Variants in BCAS3 observed in about 807,000 individuals in gnomAD.
BCAS3 encodes the protein BCAS3 microtubule associated cell migration factor, also known as BCAS4/BCAS3 fusion.
BCAS3 carries 53 observed loss-of-function variants against 116.1 expected under a neutral mutation model. The ratio of observed to expected loss-of-function variants is 0.46; its 90% CI spans 0.37 to 0.57. The LOEUF is 0.57. Among genes scored for constraint, BCAS3 ranks in the 20% least tolerant of loss-of-function variants. The pLI is 0.00. For synonymous variants in BCAS3, 391 were observed against 408.2 expected, an observed-to-expected ratio of 0.96 and a Z score of 0.51; for missense variants, 917 against 1,165.4, an observed-to-expected ratio of 0.79 and a Z score of 3.10.
Position 61,392,063 on chromosome 17 carries a change from C to T in BCAS3, c.2680C>T (p.Arg894Ter), listed in dbSNP as rs768694868. The part of the protein sequence containing the change: ...GSIPRNFDGY[R>*]SPLPTNESQP... Reference sequence around the variant, plus strand: ...CATACCAAGAAACTTTGATGGCTACCGATCTCCGCTGCCCACCAATGAGAG... The same window carrying T: ...CATACCAAGAAACTTTGATGGCTACTGATCTCCGCTGCCCACCAATGAGAG... Residue 894 changes from arginine (R) to a stop codon, truncating the protein, a stop_gained, in exon 24 of 24, where the codon CGA becomes TGA. Coordinates refer to ENST00000407086, the MANE Select transcript of BCAS3 (RefSeq NM_017679.5). LOFTEE classifies it high-confidence loss of function. The surrounding 1 kb of genome is among the most constrained non-coding windows in gnomAD (Gnocchi z 6.4). 3.1e-5 allele frequency: 50 copies of T among 1,613,720 alleles called. No homozygotes were observed. The highest frequency in any genetic ancestry group is 2.2e-4 in the Admixed American group (13 of 60,010).
intron 7 of BCAS3, among the ~76,000 whole-genome samples, chr17:60,861,224 T>C (rs1324473284): frequency 6.6e-6 from 1 of 152,208 alleles, no homozygotes; most frequent in Non-Finnish European, 1.5e-5. Flanking sequence ...GTTAGCAGTA[T>C]TCCTAGGGAT....
At chr17:61,103,392 T>C (rs1232344226) in intron 22 of BCAS3, among the ~76,000 whole-genome samples, 3 of 152,280 alleles carry the variant, frequency 2.0e-5, no homozygotes, top group Middle Eastern at 3.4e-3. Context: ...ATTTTTACTC[T>C]AACTCCAGGA....
intron 14 of BCAS3, among the ~76,000 whole-genome samples, chr17:60,981,020 G>T (rs908072863): frequency 1.6e-4 from 24 of 152,006 alleles, no homozygotes; most frequent in Middle Eastern, 3.4e-3. Context: ...ATTTTTTGTA[G>T]AGACAGGTCC....
intron 23 of BCAS3, among the ~76,000 whole-genome samples, chr17:61,374,526 T>C (rs1475094533): frequency 6.6e-6 from 1 of 152,208 alleles, no homozygotes; most frequent in Admixed American, 6.5e-5. Context: ...GGAGACTGTC[T>C]GTTCCCCGTG....
intron 16 of BCAS3, among the ~76,000 whole-genome samples, chr17:61,016,586 A>G (rs930641703): frequency 6.6e-5 from 10 of 152,216 alleles, no homozygotes; most frequent in Non-Finnish European, 1.5e-4. Flanking sequence ...TAGATATTCA[A>G]TTGTATATTA....
chr17:61,067,732 A>T (rs958779922), intron 19 of BCAS3, among the ~76,000 whole-genome samples: 2 of 145,242 alleles, frequency 1.4e-5, no homozygotes, highest in African/African-American at 5.3e-5. Context: ...CAAACAAAAA[A>T]AAAAAAAAAT....
chr17:60,925,413 A>G (rs77825396), intron 13 of BCAS3, among the ~76,000 whole-genome samples: 2,873 of 152,278 alleles, frequency 0.019, 79 homozygotes, highest in East Asian at 0.093. Flanking sequence ...TTGTGGTGCT[A>G]TATTTGATCA....
Position 61,388,729 on chromosome 17 carries a change from T to A in BCAS3, c.2594-3248T>A. The A allele has an allele frequency of 6.5e-7, 1 of 1,538,332 alleles. No homozygotes were observed. The highest frequency in any genetic ancestry group is 8.7e-7 in the Non-Finnish European group (1 of 1,148,834). ...GGAAGGTAAGGCCACACGTTTCCAT[T>A]TGCCGCTTGCTCGTAGGGCTGGGCG... On this transcript the variant is annotated intron_variant, in intron 23 of 23. Transcript: ENST00000407086. This position sits in a 1 kb window ranked among gnomAD's most constrained non-coding sequence, Gnocchi z 6.5.
In BCAS3 at chr17:60,987,803, G is replaced by A. The variant is rs563514085; in HGVS notation, c.1222-2168G>A. ...GAGGCTCATTTGACTTTTTCTTTTC[G>A]AATTTGGATGCCTTTTATTTCCTGT... On this transcript the variant is annotated intron_variant, in intron 14 of 23. Transcript: ENST00000407086. Among the ~76,000 whole-genome samples the A allele has an allele frequency of 2.6e-5, 4 of 151,962 alleles. No individual in the cohort carries two copies. The East Asian group carries it at 5.8e-4, about 22-fold the overall frequency.
intron 22 of BCAS3, among the ~76,000 whole-genome samples, chr17:61,190,588 A>C (rs1191980471): frequency 2.0e-5 from 3 of 151,024 alleles, no homozygotes; most frequent in Non-Finnish European, 4.4e-5. Flanking sequence ...TCATCTCTAC[A>C]AAAAAATTTT....
At chr17:61,164,905 T>C (rs4968530) in intron 22 of BCAS3, among the ~76,000 whole-genome samples, 112,006 of 152,090 alleles carry the variant, frequency 0.74, 42,152 homozygotes, top group South Asian at 0.9. Context: ...TTCTGTGTAC[T>C]CCAGCATGGT....
At chr17:60,983,255 C>T (rs1466098595) in intron 14 of BCAS3, among the ~76,000 whole-genome samples, 2 of 152,086 alleles carry the variant, frequency 1.3e-5, no homozygotes, top group Admixed American at 1.3e-4. Context: ...ATGTTAATTA[C>T]AAATAACATT....
In BCAS3 at chr17:60,935,581, A is replaced by G. The variant is rs185836484; in HGVS notation, c.1087+11081A>G. On this transcript the variant is annotated intron_variant, in intron 13 of 23. Coordinates refer to ENST00000407086, the MANE Select transcript of BCAS3 (RefSeq NM_017679.5). ...ATGCTTTGATACTGCTCCTGTAGGT[A>G]ATCAAACCTAATTTCCAGAGACACT... Among the ~76,000 whole-genome samples the G allele has an allele frequency of 7.9e-5, 12 of 152,228 alleles. 1 individual carries two copies. The East Asian group carries it at 1.9e-3, about 25-fold the overall frequency.
Position 61,034,733 on chromosome 17 carries a change from A to G in BCAS3, c.1705A>G (p.Ile569Val), listed in dbSNP as rs1453068759. ...SMGGEFCVAA[I>V]FGTSRSWFAN... ...GGGCGGAGAATTTTGTGTGGCTGCT[A>G]TCTTCGGAACATCCAGGTCATGGTT... The change falls in exon 17 of 24, where the codon ATC becomes GTC. Residue 569 changes from isoleucine (I) to valine (V), a missense_variant. By Grantham distance (29) the Ile-to-Val change is conservative. Coordinates refer to ENST00000407086, the MANE Select transcript of BCAS3 (RefSeq NM_017679.5). The surrounding 1 kb of genome is among the most constrained non-coding windows in gnomAD (Gnocchi z 5.0). 4.3e-6 allele frequency: 7 copies of G among 1,612,986 alleles called. No homozygotes were observed. Among genetic ancestry groups the G allele is most frequent in the African/African-American group, 2.7e-5 (2 of 74,894 alleles).
chr17:61,209,008 C>T (rs1404900219), intron 22 of BCAS3, among the ~76,000 whole-genome samples: 1 of 151,948 alleles, frequency 6.6e-6, no homozygotes, highest in African/African-American at 2.4e-5. Flanking sequence ...AATGTTGAAA[C>T]ATATGGTCTC....
rs570944436 is a variant in BCAS3 at position 60,774,963 on chromosome 17, G to A, written c.403+27684G>A. Among the ~76,000 whole-genome samples, 5 of 152,310 alleles carry A rather than the reference G, an allele frequency of 3.3e-5. No individual in the cohort carries two copies. The South Asian group carries it at 6.2e-4, about 19-fold the overall frequency. On this transcript the variant is annotated intron_variant, in intron 6 of 23. Coordinates refer to ENST00000407086, the MANE Select transcript of BCAS3 (RefSeq NM_017679.5). ...AGGAGGGTAAATCTGATCTGCTGCAGAGGTTCAGCATTTTGCCTTAGTTCC... is the reference window on the plus strand; with the variant it reads ...AGGAGGGTAAATCTGATCTGCTGCAAAGGTTCAGCATTTTGCCTTAGTTCC...
At position 61,220,567 on chromosome 17, in the gene BCAS3, G is replaced by C. The variant is rs1474236439; in HGVS notation, c.2425+136003G>C. ...ATCCACTCCACCTGGAATTCTCTTTGCTAAAACAATGAGGTAGTTCAGTGA... is the reference window on the plus strand; with the variant it reads ...ATCCACTCCACCTGGAATTCTCTTTCCTAAAACAATGAGGTAGTTCAGTGA... On this transcript the variant is annotated intron_variant, in intron 22 of 23. Coordinates refer to ENST00000407086, the MANE Select transcript of BCAS3 (RefSeq NM_017679.5). This position sits in a 1 kb window ranked among gnomAD's most constrained non-coding sequence, Gnocchi z 4.5. Among the ~76,000 whole-genome samples, 1 of 152,136 alleles carries C rather than the reference G, an allele frequency of 6.6e-6. No homozygotes were observed. Among genetic ancestry groups the C allele is most frequent in the Non-Finnish European group, 1.5e-5 (1 of 68,036 alleles).
intron 18 of BCAS3, among the ~76,000 whole-genome samples, chr17:61,039,657 A>G (rs1265389090): frequency 5.3e-5 from 8 of 152,040 alleles, no homozygotes; most frequent in Non-Finnish European, 7.4e-5. Context: ...TCCTGACCTC[A>G]TGATCCACCC....
At chr17:61,202,950 TGTA>T (rs1187494691) in intron 22 of BCAS3, among the ~76,000 whole-genome samples, 5 of 152,230 alleles carry the variant, frequency 3.3e-5, no homozygotes, top group African/African-American at 1.2e-4. Flanking sequence ...CTAGACAGGT[TGTA>T]GTATCAGCGC....
Sources: allele counts gnomAD v4.1 joint callset (sites outside exome capture counted in the v4.1 genomes callset), GRCh38; gene constraint gnomAD v4.1.1; non-coding constraint Gnocchi (gnomAD v3.1); transcripts MANE v1.5; gene names NCBI Gene and HGNC (gene_info 2026-07-23, HGNC 2026-07-21).